Variants in CA8 observed in about 807,000 individuals in gnomAD.
CA8 encodes the protein carbonic anhydrase-related protein.
Under a neutral mutation model 41.4 loss-of-function variants are expected in CA8, and 22 were observed. The observed-to-expected ratio is 0.53, with a 90% CI of 0.38 to 0.76. The LOEUF is 0.76. CA8 is among the 30% of genes least tolerant of loss of function. The pLI is 0.00. For missense variants in CA8, 270 were observed against 352.8 expected (o/e 0.77, Z 1.88); for synonymous variants, 121 against 130.6 (o/e 0.93, Z 0.50).
At position 60,186,559 on chromosome 8, in the gene CA8, AAAC is replaced by A. The variant is rs1563513191; in HGVS notation, c.*3459_*3461del. 6.6e-6 allele frequency among the ~76,000 whole-genome samples: 1 copy of A among 151,926 alleles called. No homozygotes were observed. The highest frequency in any genetic ancestry group is 1.9e-4 in the East Asian group (1 of 5,194). On this transcript the variant is annotated 3_prime_UTR_variant, in exon 9 of 9. Transcript: ENST00000317995. Reference sequence around the variant, plus strand: ...ATGGCAGACACAAATCCAACTATATAAACAATAACATTAAGTGCAAATGGGTTA... The same window carrying A: ...ATGGCAGACACAAATCCAACTATATAAATAACATTAAGTGCAAATGGGTTA...
At position 60,247,227 on chromosome 8, in the gene CA8, T is replaced by C. The variant is rs570204734; in HGVS notation, c.418-14848A>G. The stretch of plus-strand genomic sequence containing the variant: ...ACCACTTCATGGCATATTTTCTTTT[T>C]TTCTTTTAAGTTCCGGGATACATAT... On this transcript the variant is annotated intron_variant, in intron 3 of 8. Coordinates refer to ENST00000317995, the MANE Select transcript of CA8 (RefSeq NM_004056.6). 3.9e-5 allele frequency among the ~76,000 whole-genome samples: 6 copies of C among 152,306 alleles called. No individual in the cohort carries two copies. The South Asian group carries it at 1.2e-3, about 32-fold the overall frequency.
At chr8:60,251,930 C>A (rs970759642) in intron 3 of CA8, among the ~76,000 whole-genome samples, 5 of 152,084 alleles carry the variant, frequency 3.3e-5, no homozygotes, top group African/African-American at 1.2e-4. Context: ...TAGGACAAAT[C>A]CTAATAATCT....
chr8:60,206,916 C>A (rs775887387), intron 8 of CA8, among the ~76,000 whole-genome samples: 8 of 151,768 alleles, frequency 5.3e-5, no homozygotes, highest in Non-Finnish European at 8.8e-5. Flanking sequence ...AGCATATAGA[C>A]AAGTTCTATT....
chr8:60,198,315 T>C (rs967984470), intron 8 of CA8, among the ~76,000 whole-genome samples: 2 of 152,196 alleles, frequency 1.3e-5, no homozygotes, highest in African/African-American at 4.8e-5. Context: ...CAGCATCATG[T>C]CTGAAATATT....
intron 3 of CA8, among the ~76,000 whole-genome samples, chr8:60,261,393 A>G (rs1803727521): frequency 6.6e-6 from 1 of 152,164 alleles, no homozygotes; most frequent in African/African-American, 2.4e-5. Flanking sequence ...TCCAACATAC[A>G]ATATGGCTAG....
At chr8:60,228,701 G>A (rs1807530959) in intron 4 of CA8, among the ~76,000 whole-genome samples, 1 of 152,166 alleles carries the variant, frequency 6.6e-6, no homozygotes, top group Admixed American at 6.5e-5. Flanking sequence ...CAAAGACTGT[G>A]GAACAGGCTT....
chr8:60,229,548 G>A (rs1409876729), intron 4 of CA8, among the ~76,000 whole-genome samples: 1 of 152,142 alleles, frequency 6.6e-6, no homozygotes, highest in Admixed American at 6.5e-5. Context: ...GCATTCAGGG[G>A]GTGACCCATC....
chr8:60,247,013 A>G (rs759553198), intron 3 of CA8, among the ~76,000 whole-genome samples: 6 of 150,278 alleles, frequency 4.0e-5, no homozygotes, highest in Non-Finnish European at 5.9e-5. Flanking sequence ...CCTCCCGAGT[A>G]GCTGGGACTA....
intron 7 of CA8, among the ~76,000 whole-genome samples, chr8:60,212,561 T>C (rs1806874013): frequency 6.6e-6 from 1 of 152,218 alleles, no homozygotes; most frequent in Non-Finnish European, 1.5e-5. Flanking sequence ...AAGTATTGTA[T>C]GAACTCACTT....
intron 2 of CA8, among the ~76,000 whole-genome samples, chr8:60,278,328 T>A (rs1030765503): frequency 3.3e-5 from 5 of 152,208 alleles, no homozygotes; most frequent in Non-Finnish European, 7.3e-5. Flanking sequence ...AGGCTATGAA[T>A]CCTCAAGAAC....
intron 4 of CA8, among the ~76,000 whole-genome samples, chr8:60,227,300 A>C (rs1034937796): frequency 1.3e-5 from 2 of 152,162 alleles, no homozygotes; most frequent in African/African-American, 2.4e-5. Flanking sequence ...CTCAAAAAAA[A>C]AAAACTAACA....
intron 4 of CA8, among the ~76,000 whole-genome samples, 159 bp downstream of exon 4, chr8:60,232,125 C>T (rs185614880): frequency 5.3e-5 from 8 of 152,152 alleles, no homozygotes; most frequent in Admixed American, 3.3e-4. Flanking sequence ...GTCTGAACTC[C>T]GATAAACCAT....
intron 7 of CA8, among the ~76,000 whole-genome samples, chr8:60,220,763 G>T (rs1807215745): frequency 6.6e-6 from 1 of 152,100 alleles, no homozygotes; most frequent in Admixed American, 6.5e-5. Flanking sequence ...AAGCTAGAAT[G>T]CACTTCCCAG....
At chr8:60,262,170 G>T (rs1350012163) in intron 3 of CA8, among the ~76,000 whole-genome samples, 5 of 152,016 alleles carry the variant, frequency 3.3e-5, no homozygotes, top group African/African-American at 1.2e-4. Context: ...AGCAAAGATG[G>T]CAGTGTCCAC....
chr8:60,244,871 C>G (rs1482860663), intron 3 of CA8, among the ~76,000 whole-genome samples: 2 of 152,126 alleles, frequency 1.3e-5, no homozygotes, highest in East Asian at 3.8e-4. Flanking sequence ...AAATCAGAAC[C>G]TGTTTATTAG....
Position 60,189,334 on chromosome 8 carries a change from G to A in CA8, c.*687C>T, listed in dbSNP as rs1806048000. The stretch of plus-strand genomic sequence containing the variant: ...CAAATTCCTATTAAACCACAGCTTC[G>A]AATATGTCAAATAAATAAATTTGAT... On this transcript the variant is annotated 3_prime_UTR_variant, in exon 9 of 9. Transcript: ENST00000317995. 6.6e-6 allele frequency: 1 copy of A among 151,894 alleles called. No homozygotes were observed. The highest frequency in any genetic ancestry group is 2.4e-5 in the African/African-American group (1 of 41,334). The allele number at this position is 151,894 out of a possible 1,614,324, so 9.4% of individuals were successfully genotyped here.
chr8:60,217,796 A>G (rs1323634401), intron 7 of CA8, among the ~76,000 whole-genome samples: 2 of 152,088 alleles, frequency 1.3e-5, no homozygotes, highest in African/African-American at 4.8e-5. Context: ...AATCCTTCCT[A>G]TGTCATCAGC....
intron 4 of CA8, among the ~76,000 whole-genome samples, chr8:60,228,307 T>C (rs941573235): frequency 6.6e-6 from 1 of 152,240 alleles, no homozygotes; most frequent in Non-Finnish European, 1.5e-5. Context: ...AATGCATATG[T>C]ACCTGTGGCA....
intron 2 of CA8, among the ~76,000 whole-genome samples, chr8:60,274,732 G>T (rs1385640686): frequency 1.3e-5 from 2 of 152,088 alleles, no homozygotes; most frequent in African/African-American, 4.8e-5. Flanking sequence ...CACCAAATCT[G>T]TCAGCAGCTT....
Sources: allele counts gnomAD v4.1 joint callset (sites outside exome capture counted in the v4.1 genomes callset), GRCh38; gene constraint gnomAD v4.1.1; transcripts MANE v1.5; gene names NCBI Gene and HGNC (gene_info 2026-07-23, HGNC 2026-07-21).